ABCA12: variants seen among roughly 807,000 people sequenced by gnomAD.
ABCA12 encodes the protein glucosylceramide transporter ABCA12.
Under a neutral mutation model 293.5 loss-of-function variants are expected in ABCA12, and 156 were observed. That is an observed-to-expected ratio of 0.53 (90% confidence interval 0.47 to 0.61). The LOEUF (loss-of-function observed/expected upper bound fraction) is 0.61, where lower values mean the gene tolerates loss of function less well. Among genes scored for constraint, ABCA12 ranks in the 20% least tolerant of loss-of-function variants. The pLI, the probability that ABCA12 is intolerant of heterozygous loss-of-function variation, is 0.00. For synonymous variants in ABCA12, 1,063 were observed against 1,108.0 expected (o/e 0.96, Z 0.81); for missense variants, 2,797 against 3,090.2 (o/e 0.91, Z 2.25).
chr2:215,022,862 T>C (rs1215182084), intron 11 of ABCA12: 1 of 152,210 alleles, frequency 6.6e-6, no homozygotes, highest in African/African-American at 2.4e-5. Flanking sequence ...AATAAAAATA[T>C]TGTGTTATTT....
intron 1 of ABCA12, among the ~76,000 whole-genome samples, chr2:215,125,163 T>C (rs1033914232): frequency 2.0e-5 from 3 of 149,088 alleles, no homozygotes; most frequent in African/African-American, 7.8e-5. Context: ...TTGGTCTATG[T>C]GCCTATTTTT....
chr2:215,133,149 A>ATTT (rs55641331), intron 1 of ABCA12, among the ~76,000 whole-genome samples: 20 of 34,878 alleles, frequency 5.7e-4, no homozygotes, highest in Middle Eastern at 0.029. Flanking sequence ...GCTGGCTTTA[A>ATTT]TTTTTTTTTT....
rs941486151 is a variant in ABCA12, at chr2:215,026,904, A to G, written c.1096T>C (p.Leu366=). Residue 366 remains leucine, a synonymous_variant, in exon 10 of 53, where the codon TTA becomes CTA. Transcript: ENST00000272895. The part of the protein sequence containing the change: ...LILENFEDAL[L]NISANSPYIP... Reference sequence around the variant, plus strand: ...TAAGGACTATTTGCTGATATATTTAAGAGGGCATCTTCAAAGTTTTCCAGA... The same window carrying G: ...TAAGGACTATTTGCTGATATATTTAGGAGGGCATCTTCAAAGTTTTCCAGA... The G allele has an allele frequency of 1.3e-5, 21 of 1,612,352 alleles. No homozygotes were observed. The highest frequency in any genetic ancestry group is 1.7e-5 in the Non-Finnish European group (20 of 1,178,506).
intron 11 of ABCA12, among the ~76,000 whole-genome samples, chr2:215,021,202 A>G (rs562508153): frequency 2.0e-5 from 3 of 152,204 alleles, no homozygotes; most frequent in Admixed American, 6.5e-5. Context: ...GAACTGCAGC[A>G]TGAAGATCAC....
In ABCA12 at chr2:214,956,748, TTGAAAACGC is replaced by T. The variant is rs1445786272; in HGVS notation, c.6139_6147del (p.Ala2047_Ser2049del). The T allele has an allele frequency of 1.2e-6, 2 of 1,613,416 alleles. No individual in the cohort carries two copies. The highest frequency in any genetic ancestry group is 1.7e-5 in the Admixed American group (1 of 59,962). On this transcript the variant is annotated inframe_deletion, in exon 42 of 53. Coordinates refer to ENST00000272895, the MANE Select transcript of ABCA12 (RefSeq NM_173076.3). ...AATTTGAAAATCGCAATGATACCAA[TTGAAAACGC>T]TACAGGCACCAAGTAGAAAACCTAT...
intron 18 of ABCA12, among the ~76,000 whole-genome samples, chr2:215,008,143 C>T (rs1037956182): frequency 6.6e-6 from 1 of 152,098 alleles, no homozygotes; most frequent in Non-Finnish European, 1.5e-5. Context: ...TTCATTTTCA[C>T]CAACGACACA....
chr2:215,115,251 AC>A (rs1158858102), intron 1 of ABCA12, among the ~76,000 whole-genome samples: 1 of 152,208 alleles, frequency 6.6e-6, no homozygotes, highest in East Asian at 1.9e-4. Context: ...GAAAATAAAT[AC>A]AAAGCCCTCT....
At chr2:215,060,259 C>T (rs1701503009) in intron 3 of ABCA12, among the ~76,000 whole-genome samples, 1 of 152,044 alleles carries the variant, frequency 6.6e-6, no homozygotes, top group African/African-American at 2.4e-5. Flanking sequence ...TTATATAGGG[C>T]AAGGCATATG....
chr2:215,013,734 G>A (rs550328711), intron 15 of ABCA12: 3 of 153,558 alleles, frequency 2.0e-5, no homozygotes, highest in African/African-American at 7.2e-5. Flanking sequence ...ATGCATTGTA[G>A]GTTATAGTTT....
rs1209847295 is a variant in ABCA12 at position 215,064,854 on chromosome 2, C to T, written c.164-635G>A. ...ACTGTATATTAACTGTGTTTTATCACAATTTACATGTCTTCTTTTGTAATC... is the reference window on the plus strand; with the variant it reads ...ACTGTATATTAACTGTGTTTTATCATAATTTACATGTCTTCTTTTGTAATC... On this transcript the variant is annotated intron_variant, in intron 2 of 52. Coordinates refer to ENST00000272895, the MANE Select transcript of ABCA12 (RefSeq NM_173076.3). 2.0e-5 allele frequency among the ~76,000 whole-genome samples: 3 copies of T among 151,904 alleles called. No homozygotes were observed. In the East Asian group the frequency reaches 5.8e-4, roughly 29 times the overall value.
chr2:214,961,720 T>G (rs1440191550), intron 39 of ABCA12: 1 of 152,198 alleles, frequency 6.6e-6, no homozygotes, highest in Non-Finnish European at 1.5e-5. Context: ...ATCATTTAAT[T>G]TAATTTACCA....
rs776882456 is a variant in ABCA12 at position 214,990,759 on chromosome 2, T to C, written c.3567A>G (p.Pro1189=). ...TCTCCACTGTAACCAGAACAATAAA[T>C]GGAAAGAAGGCAATGATGTAGATGA... is the stretch of plus-strand genomic sequence containing the variant. ...GSLIYIIAFF[P]FIVLVTVENE... is the part of the protein sequence containing the mutation. Residue 1189 remains proline, a synonymous_variant, in exon 24 of 53, where the codon CCA becomes CCG. Coordinates refer to ENST00000272895, the MANE Select transcript of ABCA12 (RefSeq NM_173076.3). 1.9e-6 allele frequency: 3 copies of C among 1,613,900 alleles called. No homozygotes were observed. The highest frequency in any genetic ancestry group is 1.7e-5 in the Admixed American group (1 of 59,994).
chr2:214,970,168 C>T, intron 37 of ABCA12, 105 bp downstream of exon 37: 1 of 1,136,270 alleles, frequency 8.8e-7, no homozygotes, highest in South Asian at 1.8e-5. Context: ...AGAATTTAAC[C>T]ATGTAAAATG....
chr2:214,969,888 T>C (rs938495298), intron 37 of ABCA12, among the ~76,000 whole-genome samples: 1 of 152,016 alleles, frequency 6.6e-6, no homozygotes, highest in Non-Finnish European at 1.5e-5. Flanking sequence ...ACACATTTTG[T>C]CCATATGCAG....
intron 49 of ABCA12, among the ~76,000 whole-genome samples, chr2:214,944,311 C>A (rs1279352922): frequency 6.6e-6 from 1 of 151,910 alleles, no homozygotes; most frequent in Non-Finnish European, 1.5e-5. Flanking sequence ...TCATGGGAGG[C>A]TGAGGCAGGA....
intron 15 of ABCA12, among the ~76,000 whole-genome samples, chr2:215,012,346 T>G (rs1700396253): frequency 6.6e-6 from 1 of 152,198 alleles, no homozygotes; most frequent in Admixed American, 6.5e-5. Context: ...AAGATTTGTA[T>G]GTGAATGTTT....
At chr2:215,115,500 C>T (rs78072520) in intron 1 of ABCA12, among the ~76,000 whole-genome samples, 5,214 of 152,216 alleles carry the variant, frequency 0.034, 146 homozygotes, top group African/African-American at 0.065. Context: ...ACAGGAGCTA[C>T]TGGAGATGTT....
At chr2:214,995,784 G>A (rs1474541280) in intron 23 of ABCA12, among the ~76,000 whole-genome samples, 1 of 151,838 alleles carries the variant, frequency 6.6e-6, no homozygotes, top group Non-Finnish European at 1.5e-5. Context: ...AAAGATTACT[G>A]CCAAATAAAT....
intron 2 of ABCA12, among the ~76,000 whole-genome samples, chr2:215,064,688 TACACGCACACACACACAC>T (rs1158580727): frequency 1.6e-5 from 2 of 128,690 alleles, no homozygotes; most frequent in African/African-American, 6.4e-5. Flanking sequence ...AATCTTTTAA[TACACGCACACACACACAC>T]ACACACACAC....
Sources: allele counts gnomAD v4.1 joint callset (sites outside exome capture counted in the v4.1 genomes callset), GRCh38; gene constraint gnomAD v4.1.1; transcripts MANE v1.5; gene names NCBI Gene and HGNC (gene_info 2026-07-23, HGNC 2026-07-21).